PACRGL: variants seen among roughly 807,000 people sequenced by gnomAD.
PACRGL encodes parkin coregulated like, also known as PACRG-like protein.
In PACRGL, 38 loss-of-function variants were observed where a neutral mutation model predicts 34.5. The observed-to-expected ratio is 1.10, with a 90% CI of 0.85 to 1.44. PACRGL has a LOEUF of 1.44. PACRGL is among the 40% of genes most tolerant of loss of function. PACRGL has a pLI of 0.00. For synonymous variants in PACRGL, 128 were observed against 100.1 expected (o/e 1.28, Z -1.66); for missense variants, 305 against 281.4 (o/e 1.08, Z -0.60).
chr4:20,735,856 A>G (rs1215767318), downstream of PACRGL, among the ~76,000 whole-genome samples: 1 of 152,166 alleles, frequency 6.6e-6, no homozygotes, highest in Non-Finnish European at 1.5e-5. Flanking sequence ...TGTTATGTAC[A>G]GCAGGGTTAA....
In PACRGL at chr4:20,731,765, A is replaced by G. The variant is rs1317250267; in HGVS notation, c.*4424A>G. On this transcript the variant is annotated 3_prime_UTR_variant, in exon 9 of 9. Coordinates refer to ENST00000503585, the MANE Select transcript of PACRGL (RefSeq NM_001258345.3). ...TAAGGAATTTGGGAATCAACACAGT[A>G]CATGTACAACTTTTGTATCCCCAGG... The G allele has an allele frequency of 1.7e-5, 17 of 985,296 alleles. No individual in the cohort carries two copies. Among genetic ancestry groups the G allele is most frequent in the Non-Finnish European group, 2.0e-5 (17 of 829,932 alleles). 61.0% of individuals were successfully genotyped at this position (985,296 alleles called of 1,614,324 possible). A position where few individuals can be genotyped will look rare whatever the true frequency, so the allele number is the denominator to read the frequency against.
chr4:20,720,292 G>T (rs1348076815), intron 7 of PACRGL, among the ~76,000 whole-genome samples: 1 of 152,166 alleles, frequency 6.6e-6, no homozygotes, highest in African/African-American at 2.4e-5. Context: ...CAATCTGCCA[G>T]TCTGTGTCTT....
the PACRGL span, among the ~76,000 whole-genome samples, chr4:20,761,904 C>G: frequency 6.6e-6 from 1 of 152,132 alleles, no homozygotes; most frequent in Non-Finnish European, 1.5e-5. Flanking sequence ...TAGTTTACAT[C>G]TCTACAAACA....
At chr4:20,762,624 A>C in the PACRGL span, among the ~76,000 whole-genome samples, 1 of 152,250 alleles carries the variant, frequency 6.6e-6, no homozygotes, top group African/African-American at 2.4e-5. Flanking sequence ...GCCAGGCTGC[A>C]TGTGCAGCAA....
At chr4:20,708,076 G>C (rs1425652280) in intron 4 of PACRGL, among the ~76,000 whole-genome samples, 1 of 152,120 alleles carries the variant, frequency 6.6e-6, no homozygotes, top group East Asian at 1.9e-4. Flanking sequence ...CAGTTATTGG[G>C]ATCTATGGAT....
chr4:20,704,541 G>A lies in PACRGL; in HGVS notation c.52+8G>A. ...TGAAAAACAGAGCAACAGGTACAGAGCTTTTGTTTTTAAGTGAAGAGGTCA... is the reference window on the plus strand; with the variant it reads ...TGAAAAACAGAGCAACAGGTACAGAACTTTTGTTTTTAAGTGAAGAGGTCA... On this transcript the variant is annotated splice_region_variant and intron_variant, in intron 2 of 8. Coordinates refer to ENST00000503585, the MANE Select transcript of PACRGL (RefSeq NM_001258345.3). 6.2e-7 allele frequency: 1 copy of A among 1,613,760 alleles called. No homozygotes were observed. The highest frequency in any genetic ancestry group is 8.5e-7 in the Non-Finnish European group (1 of 1,179,876).
intron 7 of PACRGL, chr4:20,718,725 T>A (rs1244259451): frequency 6.6e-6 from 1 of 152,262 alleles, no homozygotes; most frequent in East Asian, 1.9e-4. Context: ...GCTGCTGGAT[T>A]CGGTTTGCCA....
intron 8 of PACRGL, among the ~76,000 whole-genome samples, chr4:20,726,233 A>G (rs1453297108): frequency 6.6e-6 from 1 of 152,130 alleles, no homozygotes; most frequent in Non-Finnish European, 1.5e-5. Context: ...AAGATTTGGA[A>G]GGGGAACACA....
At chr4:20,713,584 G>C (rs773822155) in intron 7 of PACRGL, 45 bp downstream of exon 7, 19 of 1,447,284 alleles carry the variant, frequency 1.3e-5, no homozygotes, top group Non-Finnish European at 1.6e-5. Flanking sequence ...TATGTATCAT[G>C]CACCATCCAT....
Position 20,724,904 on chromosome 4 carries a change from T to C in PACRGL, c.690+16T>C, listed in dbSNP as rs1487180525. On this transcript the variant is annotated intron_variant, in intron 8 of 8. Transcript: ENST00000503585. Reference sequence around the variant, plus strand: ...TGGTGGAAGTGTAAGTAGAATATTATTCCTTAAGTCTTTTTTTTTAACTTT... The same window carrying C: ...TGGTGGAAGTGTAAGTAGAATATTACTCCTTAAGTCTTTTTTTTTAACTTT... 5 of 1,385,270 alleles carry C rather than the reference T, an allele frequency of 3.6e-6. No individual in the cohort carries two copies. The highest frequency in any genetic ancestry group is 3.7e-6 in the Non-Finnish European group (4 of 1,068,118). 85.8% of individuals were successfully genotyped at this position (1,385,270 alleles called of 1,614,324 possible). A position where few individuals can be genotyped will look rare whatever the true frequency, so the allele number is the denominator to read the frequency against.
At chr4:20,717,361 G>C (rs1310474738) in intron 7 of PACRGL, among the ~76,000 whole-genome samples, 1 of 152,110 alleles carries the variant, frequency 6.6e-6, no homozygotes, top group Non-Finnish European at 1.5e-5. Flanking sequence ...GTCAATTTTG[G>C]CTTTTGTTGC....
At chr4:20,726,185 A>T (rs992380230) in intron 8 of PACRGL, among the ~76,000 whole-genome samples, 1 of 151,944 alleles carries the variant, frequency 6.6e-6, no homozygotes, top group African/African-American at 2.4e-5. Context: ...GGAGGAGGAG[A>T]TAGTATATGT....
chr4:20,716,331 G>GT, intron 7 of PACRGL: 2 of 562,888 alleles, frequency 3.6e-6, no homozygotes, highest in East Asian at 3.1e-5. Context: ...TATTCATGCA[G>GT]TGTTTTTTTT....
At chr4:20,743,484 A>G (rs1751668810) in intron 8 of PACRGL, among the ~76,000 whole-genome samples, 1 of 152,192 alleles carries the variant, frequency 6.6e-6, no homozygotes. Flanking sequence ...CAACCATCTG[A>G]TCTTTGACAA....
In PACRGL at chr4:20,731,362, C is replaced by G; in HGVS notation, c.*4021C>G. 1 of 982,632 alleles carries G rather than the reference C, an allele frequency of 1.0e-6. No individual in the cohort carries two copies. The highest frequency in any genetic ancestry group is 1.2e-6 in the Non-Finnish European group (1 of 827,386). The allele number at this position is 982,632 out of a possible 1,614,324, so 60.9% of individuals were successfully genotyped here. ...GTGCTGGGATTACAGTTGTGAGCTA[C>G]TGTACCAGGCCTTAACAATTTTTAA... On this transcript the variant is annotated 3_prime_UTR_variant, in exon 9 of 9. Transcript: ENST00000503585.
At position 20,716,537 on chromosome 4, in the gene PACRGL, A is replaced by C. The variant is rs900235611; in HGVS notation, c.609+2998A>C. Among the ~76,000 whole-genome samples, 7 of 152,022 alleles carry C rather than the reference A, an allele frequency of 4.6e-5. No individual in the cohort carries two copies. In the East Asian group the frequency reaches 7.7e-4, roughly 17 times the overall value. On this transcript the variant is annotated intron_variant, in intron 7 of 8. Transcript: ENST00000503585. ...TGTGATGTTCCCCTTCCTGTGTCCA[A>C]GTATTCTCATTGTTCAATTCCCACC... is the stretch of plus-strand genomic sequence containing the variant.
chr4:20,758,712 T>G, the PACRGL span: 1 of 843,842 alleles, frequency 1.2e-6, no homozygotes, highest in East Asian at 2.5e-5. Context: ...CATTAATTCT[T>G]TTACATAACG....
At chr4:20,698,358 A>G (rs1731323989), upstream of PACRGL, among the ~76,000 whole-genome samples, 1 of 152,232 alleles carries the variant, frequency 6.6e-6, no homozygotes, top group East Asian at 1.9e-4. Context: ...AAACCTGAAT[A>G]GAAGACAAAA....
chr4:20,743,039 G>T (rs1381008481), intron 8 of PACRGL, among the ~76,000 whole-genome samples: 4 of 151,536 alleles, frequency 2.6e-5, no homozygotes, highest in Non-Finnish European at 2.9e-5. Context: ...GGGTGTGAAG[G>T]ACCCTTATAA....
Sources: gnomAD v4.1 joint callset for allele counts (sites outside exome capture counted in the v4.1 genomes callset) on GRCh38, gnomAD v4.1.1 for gene constraint, MANE v1.5 for transcripts, NCBI Gene and HGNC (gene_info 2026-07-23, HGNC 2026-07-21) for gene names.